Variants in ATXN10 observed in about 807,000 individuals in gnomAD.
The protein encoded by ATXN10 is ataxin-10.
Under a neutral mutation model 52.9 loss-of-function variants are expected in ATXN10, and 28 were observed. The observed-to-expected ratio is 0.53, with a 90% CI of 0.39 to 0.73. The LOEUF (loss-of-function observed/expected upper bound fraction) is 0.73, where lower values mean the gene tolerates loss of function less well. ATXN10 is among the 30% of genes least tolerant of loss of function. The pLI is 0.00. For missense variants in ATXN10, 565 were observed against 577.0 expected (o/e 0.98, Z 0.21); for synonymous variants, 226 against 221.5 (o/e 1.02, Z -0.18).
intron 9 of ATXN10, among the ~76,000 whole-genome samples, chr22:45,801,355 G>C (rs939711896): frequency 1.3e-5 from 2 of 152,230 alleles, no homozygotes; most frequent in African/African-American, 2.4e-5. Context: ...TTTCTCTCTA[G>C]AGAGTGTCTG....
At chr22:45,798,391 T>G (rs926565866) in intron 9 of ATXN10, among the ~76,000 whole-genome samples, 4 of 152,230 alleles carry the variant, frequency 2.6e-5, no homozygotes, top group Admixed American at 1.3e-4. Flanking sequence ...AGCAGACACT[T>G]TAATTCTCCC....
rs12168108 is a variant in ATXN10 at position 45,690,487 on chromosome 22, A to G, written c.308+584A>G. Among the ~76,000 whole-genome samples the G allele has an allele frequency of 1.2e-3, 189 of 152,252 alleles. No individual in the cohort carries two copies. The highest frequency in any genetic ancestry group is 4.3e-3 in the African/African-American group (179 of 41,526). ...CATGTTTTGAGGTATTTGGTTCTTCATAGTGTTTTGAAGCTGATTTTGAGT... is the reference window on the plus strand; with the variant it reads ...CATGTTTTGAGGTATTTGGTTCTTCGTAGTGTTTTGAAGCTGATTTTGAGT... On this transcript the variant is annotated intron_variant, in intron 2 of 11. Coordinates refer to ENST00000252934, the MANE Select transcript of ATXN10 (RefSeq NM_013236.4). This position sits in a 1 kb window ranked among gnomAD's most constrained non-coding sequence, Gnocchi z 4.5.
intron 9 of ATXN10, among the ~76,000 whole-genome samples, chr22:45,804,918 A>C (rs772108354): frequency 6.6e-6 from 1 of 152,146 alleles, no homozygotes; most frequent in Non-Finnish European, 1.5e-5. Context: ...TATCACACAC[A>C]AGATTCTCAT....
At position 45,684,137 on chromosome 22, in the gene ATXN10, G is replaced by GTT. The variant is rs5845725; in HGVS notation, c.117-5562_117-5561dup. 1.8e-3 allele frequency among the ~76,000 whole-genome samples: 249 copies of GTT among 137,346 alleles called. 1 individual carries two copies. The highest frequency in any genetic ancestry group is 6.0e-3 in the African/African-American group (222 of 36,968). The allele number at this position is 137,346 out of a possible 152,430, so 90.1% of individuals were successfully genotyped here. A position where few individuals can be genotyped will look rare whatever the true frequency, so the allele number is the denominator to read the frequency against. On this transcript the variant is annotated intron_variant, in intron 1 of 11. Coordinates refer to ENST00000252934, the MANE Select transcript of ATXN10 (RefSeq NM_013236.4). This position sits in a 1 kb window ranked among gnomAD's most constrained non-coding sequence, Gnocchi z 4.1. ...CCAGCTAATTAAAACAAGTTTTTTT[G>GTT]TTTTTTTTTTTTTTGTAGAGATAGG...
intron 9 of ATXN10, among the ~76,000 whole-genome samples, chr22:45,758,276 G>A (rs1029789440): frequency 2.0e-5 from 3 of 152,226 alleles, no homozygotes; most frequent in Non-Finnish European, 4.4e-5. Context: ...GAAAGCATAG[G>A]TACTTGACAG....
chr22:45,812,962 G>A lies in ATXN10; in HGVS notation c.1237+5940G>A, dbSNP rs1468445128. 4.6e-5 allele frequency among the ~76,000 whole-genome samples: 7 copies of A among 152,296 alleles called. No individual in the cohort carries two copies. In the South Asian group the frequency reaches 6.2e-4, roughly 14 times the overall value. On this transcript the variant is annotated intron_variant, in intron 10 of 11. Transcript: ENST00000252934. ...ATGGGGCTGGAAGGGTTCCTTTTCC[G>A]TTTCTTGGAGGTAGCTTTTAGAGAC... is the stretch of plus-strand genomic sequence containing the variant.
chr22:45,843,707 T>C lies in ATXN10; in HGVS notation c.*36T>C, dbSNP rs1929422721. On this transcript the variant is annotated 3_prime_UTR_variant, in exon 12 of 12. Coordinates refer to ENST00000252934, the MANE Select transcript of ATXN10 (RefSeq NM_013236.4). This position sits in a 1 kb window ranked among gnomAD's most constrained non-coding sequence, Gnocchi z 4.5. ...TCCAAATACCTGAATTTTTGGAATC[T>C]GTTTCATGGATTTTTCATCTTCTAC... 1 of 1,601,416 alleles carries C rather than the reference T, an allele frequency of 6.2e-7. No individual in the cohort carries two copies.
Position 45,825,603 on chromosome 22 carries a change from C to G in ATXN10, c.1238-17388C>G, listed in dbSNP as rs142574413. ...TCTAGAGTTACCACATTATTAGAGT[C>G]AGATGTCCCATTTAAAAAACAATCA... On this transcript the variant is annotated intron_variant, in intron 10 of 11. Coordinates refer to ENST00000252934, the MANE Select transcript of ATXN10 (RefSeq NM_013236.4). The surrounding 1 kb of genome is among the most constrained non-coding windows in gnomAD (Gnocchi z 4.5). Among the ~76,000 whole-genome samples, 11 of 152,194 alleles carry G rather than the reference C, an allele frequency of 7.2e-5. No individual in the cohort carries two copies. Among genetic ancestry groups the G allele is most frequent in the African/African-American group, 2.7e-4 (11 of 41,492 alleles).
intron 7 of ATXN10, among the ~76,000 whole-genome samples, chr22:45,736,684 C>G (rs1601614409): frequency 6.6e-6 from 1 of 151,986 alleles, no homozygotes; most frequent in East Asian, 1.9e-4. Context: ...TCTTCTTTAC[C>G]TTGCATTTCC....
intron 7 of ATXN10, among the ~76,000 whole-genome samples, chr22:45,734,095 T>G (rs1393981055): frequency 1.3e-5 from 2 of 152,172 alleles, no homozygotes; most frequent in African/African-American, 4.8e-5. Flanking sequence ...CTTTTAACCT[T>G]TACAAATAAT....
At chr22:45,737,690 CTTTTTT>C (rs544284810) in intron 7 of ATXN10, among the ~76,000 whole-genome samples, 3 of 123,238 alleles carry the variant, frequency 2.4e-5, no homozygotes, top group Non-Finnish European at 3.3e-5. Flanking sequence ...AATGTTATCT[CTTTTTT>C]TTTTTTTTTT....
chr22:45,748,524 G>A (rs1289817029), intron 9 of ATXN10, among the ~76,000 whole-genome samples: 1 of 152,108 alleles, frequency 6.6e-6, no homozygotes, highest in Non-Finnish European at 1.5e-5. Flanking sequence ...TTTCTCTTAT[G>A]TTATTATCTA....
rs1928891002 is a variant in ATXN10, at chr22:45,828,558, TG to T, written c.1238-14429del. On this transcript the variant is annotated intron_variant, in intron 10 of 11. Coordinates refer to ENST00000252934, the MANE Select transcript of ATXN10 (RefSeq NM_013236.4). The surrounding 1 kb of genome is among the most constrained non-coding windows in gnomAD (Gnocchi z 4.5). ...AGACTCAAATTATCAGAAATGAAAGTGGGGACATTACTACTGATTCTACAGA... is the reference window on the plus strand; with the variant it reads ...AGACTCAAATTATCAGAAATGAAAGTGGGACATTACTACTGATTCTACAGA... 6.6e-6 allele frequency among the ~76,000 whole-genome samples: 1 copy of T among 152,086 alleles called. No individual in the cohort carries two copies. The highest frequency in any genetic ancestry group is 1.5e-5 in the Non-Finnish European group (1 of 68,010).
At chr22:45,740,966 G>T (rs1182167588) in intron 9 of ATXN10, among the ~76,000 whole-genome samples, 3 of 152,018 alleles carry the variant, frequency 2.0e-5, no homozygotes, top group South Asian at 2.1e-4. Flanking sequence ...TAATATTTAA[G>T]TATGAAGTCT....
intron 9 of ATXN10, among the ~76,000 whole-genome samples, chr22:45,760,251 G>A (rs1926335526): frequency 6.6e-6 from 1 of 152,146 alleles, no homozygotes; most frequent in Admixed American, 6.5e-5. Flanking sequence ...CAGGTTTCCT[G>A]CGGGCCAGAT....
chr22:45,690,495 T>A lies in ATXN10; in HGVS notation c.308+592T>A, dbSNP rs1923329153. On this transcript the variant is annotated intron_variant, in intron 2 of 11. Transcript: ENST00000252934. This position sits in a 1 kb window ranked among gnomAD's most constrained non-coding sequence, Gnocchi z 4.5. Reference sequence around the variant, plus strand: ...GAGGTATTTGGTTCTTCATAGTGTTTTGAAGCTGATTTTGAGTCTTTGTTC... The same window carrying A: ...GAGGTATTTGGTTCTTCATAGTGTTATGAAGCTGATTTTGAGTCTTTGTTC... 6.6e-6 allele frequency among the ~76,000 whole-genome samples: 1 copy of A among 152,222 alleles called. No individual in the cohort carries two copies. The highest frequency in any genetic ancestry group is 6.5e-5 in the Admixed American group (1 of 15,282).
At chr22:45,738,314 G>A (rs898676180) in intron 7 of ATXN10, among the ~76,000 whole-genome samples, 2 of 152,204 alleles carry the variant, frequency 1.3e-5, no homozygotes, top group African/African-American at 4.8e-5. Flanking sequence ...AGAAATTAAT[G>A]TATTTTATGG....
intron 5 of ATXN10, chr22:45,704,074 A>T (rs1454678020): frequency 6.6e-6 from 1 of 150,702 alleles, no homozygotes; most frequent in African/African-American, 2.4e-5. Flanking sequence ...TGAAGATACA[A>T]GTGTTAGTCT....
At chr22:45,731,720 C>A in intron 7 of ATXN10, among the ~76,000 whole-genome samples, 1 of 152,158 alleles carries the variant, frequency 6.6e-6, no homozygotes, top group Non-Finnish European at 1.5e-5. Context: ...TATGACTGCT[C>A]GCCCACGAGA....
Sources: gnomAD v4.1 joint callset for allele counts (sites outside exome capture counted in the v4.1 genomes callset) on GRCh38, gnomAD v4.1.1 for gene constraint, Gnocchi (gnomAD v3.1) non-coding constraint, MANE v1.5 for transcripts, NCBI Gene and HGNC (gene_info 2026-07-23, HGNC 2026-07-21) for gene names.